The following SCGN variants were observed in gnomAD, a reference collection of about 807,000 sequenced individuals.
SCGN encodes the protein secretagogin, EF-hand calcium binding protein, also known as secretagogin.
A neutral mutation model predicts 39.7 loss-of-function variants in SCGN; 30 were observed. That is an observed-to-expected ratio of 0.76 (90% CI 0.57 to 1.03). The LOEUF (loss-of-function observed/expected upper bound fraction) is 1.03, where lower values mean the gene tolerates loss of function less well. Among genes scored for constraint, SCGN ranks in the 50% least tolerant of loss-of-function variants. SCGN has a pLI of 0.00. For missense variants in SCGN, 353 were observed against 349.4 expected, an observed-to-expected ratio of 1.01 and a Z score of -0.08; for synonymous variants, 106 against 114.1, an observed-to-expected ratio of 0.93 and a Z score of 0.45.
intron 2 of SCGN, among the ~76,000 whole-genome samples, chr6:25,655,979 G>A (rs1017721326): frequency 2.0e-5 from 3 of 152,158 alleles, no homozygotes; most frequent in Non-Finnish European, 4.4e-5. Context: ...CTTTCAAAAC[G>A]CTGAGGCATT....
chr6:25,666,476 T>C (rs1760427417), intron 4 of SCGN, among the ~76,000 whole-genome samples: 2 of 152,344 alleles, frequency 1.3e-5, no homozygotes, highest in Admixed American at 6.5e-5. Flanking sequence ...TAGTTCAAAC[T>C]GAAAATAACA....
chr6:25,692,496 T>C, intron 10 of SCGN, among the ~76,000 whole-genome samples: 1 of 152,182 alleles, frequency 6.6e-6, no homozygotes, highest in East Asian at 1.9e-4. Flanking sequence ...CTCTTCCATG[T>C]CCCACACATA....
intron 10 of SCGN, among the ~76,000 whole-genome samples, chr6:25,699,894 G>A (rs1163102208): frequency 6.6e-6 from 1 of 151,982 alleles, no homozygotes; most frequent in Non-Finnish European, 1.5e-5. Context: ...TGGTTTTCAG[G>A]GTACTTGAGT....
At chr6:25,668,452 A>T (rs537179944) in intron 4 of SCGN, among the ~76,000 whole-genome samples, 33 of 152,350 alleles carry the variant, frequency 2.2e-4, no homozygotes, top group African/African-American at 7.7e-4. Flanking sequence ...GTAGCTTATA[A>T]CTGGGAATTA....
intron 10 of SCGN, among the ~76,000 whole-genome samples, chr6:25,696,750 A>G (rs188884713): frequency 2.0e-5 from 3 of 152,082 alleles, no homozygotes; most frequent in African/African-American, 7.2e-5. Context: ...TCCCCTCACT[A>G]CCCAGAAAGT....
intron 2 of SCGN, among the ~76,000 whole-genome samples, chr6:25,656,653 C>G (rs563534523): frequency 6.8e-4 from 103 of 152,214 alleles, no homozygotes; most frequent in Middle Eastern, 3.4e-3. Flanking sequence ...CCTGCTGTAG[C>G]CTAGCGTCTC....
chr6:25,691,293 TTTC>T (rs1759770971), intron 10 of SCGN, among the ~76,000 whole-genome samples, 169 bp downstream of exon 10: 1 of 152,220 alleles, frequency 6.6e-6, no homozygotes, highest in South Asian at 2.1e-4. Flanking sequence ...CCTCCCTCGC[TTTC>T]TTAAGATTGT....
chr6:25,657,048 T>C (rs1020175394), intron 2 of SCGN, among the ~76,000 whole-genome samples: 2 of 152,176 alleles, frequency 1.3e-5, no homozygotes, highest in African/African-American at 4.8e-5. Flanking sequence ...GTGATTTCCA[T>C]TGTGCTTTTC....
At chr6:25,669,901 G>T in intron 5 of SCGN, 98 bp from the exon 6 acceptor site, 2 of 994,862 alleles carry the variant, frequency 2.0e-6, no homozygotes, top group South Asian at 1.4e-5. Flanking sequence ...TTTCCTCCTG[G>T]AAACAAGCAA....
intron 9 of SCGN, among the ~76,000 whole-genome samples, chr6:25,690,121 G>A (rs1759756908): frequency 6.6e-6 from 1 of 152,192 alleles, no homozygotes; most frequent in Non-Finnish European, 1.5e-5. Flanking sequence ...CATGTTCTGA[G>A]CAGAAAACAG....
chr6:25,663,112 G>A (rs767649839), intron 3 of SCGN, among the ~76,000 whole-genome samples: 9 of 152,196 alleles, frequency 5.9e-5, no homozygotes, highest in African/African-American at 1.4e-4. Flanking sequence ...AGACTGCATC[G>A]TTCCCAAGGC....
intron 6 of SCGN, among the ~76,000 whole-genome samples, chr6:25,674,668 C>A (rs60626645): frequency 1.3e-5 from 2 of 152,106 alleles, no homozygotes; most frequent in Non-Finnish European, 2.9e-5. Flanking sequence ...TAAGGATTGG[C>A]ACATTTAAAA....
At position 25,652,340 on chromosome 6, in the gene SCGN, AG is replaced by A. The variant is rs3215471; in HGVS notation, c.-62del. 0.27 allele frequency: 331,433 copies of A among 1,237,120 alleles called. 44,982 individuals are homozygous for A. Among genetic ancestry groups the A allele is most frequent in the Admixed American group, 0.28 (16,368 of 58,930 alleles). 76.6% of individuals were successfully genotyped at this position (1,237,120 alleles called of 1,614,324 possible). A position where few individuals can be genotyped will look rare whatever the true frequency, so the allele number is the denominator to read the frequency against. ...GAGAGCAAGTCAAGAAATACGGTGA[AG>A]GAGTCCTTCCCAAAGTTGTCTAGGT... On this transcript the variant is annotated 5_prime_UTR_variant, in exon 1 of 11. Coordinates refer to ENST00000377961, the MANE Select transcript of SCGN (RefSeq NM_006998.4).
chr6:25,669,473 C>T, intron 4 of SCGN, 38 bp from the exon 5 acceptor site: 1 of 1,558,486 alleles, frequency 6.4e-7, no homozygotes, highest in Non-Finnish European at 8.9e-7. Flanking sequence ...TCCAAGTTAT[C>T]TGAGGATAAA....
chr6:25,672,272 A>C (rs1282471839), intron 6 of SCGN, among the ~76,000 whole-genome samples: 3 of 152,222 alleles, frequency 2.0e-5, no homozygotes, highest in Non-Finnish European at 4.4e-5. Context: ...GCATTATTCT[A>C]GTCACCAGGG....
At position 25,657,519 on chromosome 6, in the gene SCGN, C is replaced by T. The variant is rs374914151; in HGVS notation, c.154-4033C>T. 2.0e-4 allele frequency among the ~76,000 whole-genome samples: 30 copies of T among 152,142 alleles called. No homozygotes were observed. In the South Asian group the frequency reaches 3.3e-3, roughly 17 times the overall value. On this transcript the variant is annotated intron_variant, in intron 2 of 10. Coordinates refer to ENST00000377961, the MANE Select transcript of SCGN (RefSeq NM_006998.4). Reference sequence around the variant, plus strand: ...CCCAACATATATGTTCTTATGCTGACGCAATATCTTCTTGGGTCCTTAGTT... The same window carrying T: ...CCCAACATATATGTTCTTATGCTGATGCAATATCTTCTTGGGTCCTTAGTT...
At chr6:25,682,538 G>A (rs573172728) in intron 7 of SCGN, among the ~76,000 whole-genome samples, 1 of 152,230 alleles carries the variant, frequency 6.6e-6, no homozygotes, top group African/African-American at 2.4e-5. Context: ...GTTGTGACAC[G>A]TGATTGGTGT....
At position 25,653,428 on chromosome 6, in the gene SCGN, C is replaced by T. The variant is rs1227202215; in HGVS notation, c.129C>T (p.His43=). Reference sequence around the variant, plus strand: ...AGGAACTCGATGCTTTCTTTCTCCACATGTTGATGAAACTGGGTACTGATG... The same window carrying T: ...AGGAACTCGATGCTTTCTTTCTCCATATGTTGATGAAACTGGGTACTGATG... The part of the protein sequence containing the change: ...EEKELDAFFL[H]MLMKLGTDDT... The change falls in exon 2 of 11, where the codon CAC becomes CAT. Residue 43 remains histidine, a synonymous_variant. Coordinates refer to ENST00000377961, the MANE Select transcript of SCGN (RefSeq NM_006998.4). 9 of 1,612,966 alleles carry T rather than the reference C, an allele frequency of 5.6e-6. No homozygotes were observed. The Admixed American group carries it at 8.3e-5, about 15-fold the overall frequency.
intron 10 of SCGN, among the ~76,000 whole-genome samples, chr6:25,694,546 C>A (rs1339684175): frequency 6.6e-6 from 1 of 152,192 alleles, no homozygotes; most frequent in African/African-American, 2.4e-5. Flanking sequence ...GTGTAAGCAC[C>A]AGCCAATTTG....
Sources: allele counts gnomAD v4.1 joint callset (sites outside exome capture counted in the v4.1 genomes callset), GRCh38; gene constraint gnomAD v4.1.1; transcripts MANE v1.5; gene names NCBI Gene and HGNC (gene_info 2026-07-23, HGNC 2026-07-21).